PPME1: variants seen among roughly 807,000 people sequenced by gnomAD.
The protein encoded by PPME1 is testicular secretory protein Li 39.
PPME1 carries 17 observed loss-of-function variants against 56.9 expected under a neutral mutation model. That is an observed-to-expected ratio of 0.30 (90% CI 0.20 to 0.45). The LOEUF (loss-of-function observed/expected upper bound fraction) is 0.45, where lower values mean the gene tolerates loss of function less well. PPME1 is among the 20% of genes least tolerant of loss of function. The pLI, the probability that PPME1 is intolerant of heterozygous loss-of-function variation, is 1.00. For synonymous variants in PPME1, 122 were observed against 156.2 expected (o/e 0.78, Z 1.63); for missense variants, 357 against 483.2 (o/e 0.74, Z 2.45).
At chr11:74,234,423 C>G (rs1466333382) in intron 7 of PPME1, among the ~76,000 whole-genome samples, 1 of 151,982 alleles carries the variant, frequency 6.6e-6, no homozygotes, top group Admixed American at 6.5e-5. Context: ...TGGGATATTC[C>G]ACAATATTTA....
chr11:74,221,151 TGG>T (rs755462144), intron 3 of PPME1, among the ~76,000 whole-genome samples: 3 of 152,194 alleles, frequency 2.0e-5, no homozygotes, highest in Non-Finnish European at 2.9e-5. Context: ...AGTTAAAGGT[TGG>T]AATTTCAAAT....
rs1289830460 is a variant in PPME1 at position 74,187,810 on chromosome 11, T to G, written c.102-15918T>G. 2.6e-5 allele frequency among the ~76,000 whole-genome samples: 4 copies of G among 152,232 alleles called. No homozygotes were observed. In the East Asian group the frequency reaches 7.7e-4, roughly 29 times the overall value. On this transcript the variant is annotated intron_variant, in intron 1 of 13. Transcript: ENST00000328257. ...TGAATCCCTGGAACCTGTGAATATG[T>G]TATTTTACATGGCAGAGAGGAATTA...
At chr11:74,246,487 C>G (rs1435266616) in intron 10 of PPME1, among the ~76,000 whole-genome samples, 1 of 152,128 alleles carries the variant, frequency 6.6e-6, no homozygotes, top group African/African-American at 2.4e-5. Context: ...AGAGCTCTGC[C>G]CTCATGACCT....
chr11:74,214,837 A>G (rs1019438304), intron 3 of PPME1, among the ~76,000 whole-genome samples: 4 of 152,242 alleles, frequency 2.6e-5, no homozygotes, highest in African/African-American at 9.6e-5. Flanking sequence ...TAGTTCTTGC[A>G]TCTGAAAGAA....
intron 9 of PPME1, 137 bp downstream of exon 9, chr11:74,239,393 T>C (rs949583106): frequency 1.5e-6 from 2 of 1,355,842 alleles, no homozygotes; most frequent in Non-Finnish European, 2.0e-6. Flanking sequence ...TCATAAGAGA[T>C]ACTTAGCTTA....
At chr11:74,200,386 T>C (rs1442386987) in intron 1 of PPME1, among the ~76,000 whole-genome samples, 1 of 151,810 alleles carries the variant, frequency 6.6e-6, no homozygotes, top group Non-Finnish European at 1.5e-5. Flanking sequence ...TGTGTGTGTG[T>C]GTGTGTGTGT....
intron 4 of PPME1, among the ~76,000 whole-genome samples, chr11:74,223,506 A>G (rs1336216293): frequency 1.1e-4 from 15 of 135,338 alleles, no homozygotes; most frequent in Non-Finnish European, 2.3e-4. Context: ...TAGATCCCTG[A>G]GGAATCGCCA....
chr11:74,232,796 C>T (rs1007597367), intron 7 of PPME1, among the ~76,000 whole-genome samples: 1 of 151,256 alleles, frequency 6.6e-6, no homozygotes, highest in Non-Finnish European at 1.5e-5. Flanking sequence ...CCTCCTGCCT[C>T]AGCCACCCAA....
At chr11:74,175,809 A>G (rs752516782) in intron 1 of PPME1, among the ~76,000 whole-genome samples, 16 of 152,216 alleles carry the variant, frequency 1.1e-4, no homozygotes, top group Admixed American at 1.3e-4. Context: ...TTTTCTTTTA[A>G]TAAATGAGAA....
chr11:74,175,084 C>A (rs980475569), intron 1 of PPME1, among the ~76,000 whole-genome samples: 1 of 152,222 alleles, frequency 6.6e-6, no homozygotes, highest in African/African-American at 2.4e-5. Context: ...ATTTGCTTTG[C>A]ACCCCTGGTG....
intron 7 of PPME1, among the ~76,000 whole-genome samples, chr11:74,235,207 G>A (rs923668768): frequency 1.3e-5 from 2 of 152,130 alleles, no homozygotes; most frequent in African/African-American, 4.8e-5. Flanking sequence ...TTCACCCTGG[G>A]AATGCAGTCA....
At chr11:74,188,421 A>G (rs1857747558) in intron 1 of PPME1, among the ~76,000 whole-genome samples, 1 of 151,912 alleles carries the variant, frequency 6.6e-6, no homozygotes, top group Non-Finnish European at 1.5e-5. Context: ...TCCTGACCTC[A>G]TGATCTGCCT....
chr11:74,254,338 G>A lies in PPME1; in HGVS notation c.*828G>A, dbSNP rs1419782418. ...TTAACCATTTTCATAACTGGTTCCT[G>A]GAGGTGTGCAGTGCCCCCTTGCCTC... On this transcript the variant is annotated 3_prime_UTR_variant, in exon 14 of 14. Transcript: ENST00000328257. The A allele has an allele frequency of 6.5e-6, 1 of 152,842 alleles. No individual in the cohort carries two copies. The highest frequency in any genetic ancestry group is 1.5e-5 in the Non-Finnish European group (1 of 68,136). The allele number at this position is 152,842 out of a possible 1,614,324, so 9.5% of individuals were successfully genotyped here.
At chr11:74,251,163 A>C (rs1426306369) in intron 12 of PPME1, 145 bp downstream of exon 12, 1 of 1,472,868 alleles carries the variant, frequency 6.8e-7, no homozygotes, top group Admixed American at 2.3e-5. Context: ...CAGCTCTCCA[A>C]CTTCTCCCTG....
chr11:74,179,125 A>G (rs1027704253), intron 1 of PPME1, among the ~76,000 whole-genome samples: 4 of 152,108 alleles, frequency 2.6e-5, no homozygotes, highest in African/African-American at 4.8e-5. Context: ...TCCTTTTCCT[A>G]TATGCTTCTG....
chr11:74,216,966 CAAGCTGTAATAAAAGTCTCCCAGTA>C (rs1254454672), intron 3 of PPME1, among the ~76,000 whole-genome samples: 4 of 152,024 alleles, frequency 2.6e-5, no homozygotes, highest in African/African-American at 9.7e-5. Flanking sequence ...TAATGAAATC[CAAGCTGTAATAAAAGTCTCCCAGTA>C]AAGAAAAATG....
chr11:74,197,519 C>T (rs1434843933), intron 1 of PPME1, among the ~76,000 whole-genome samples: 5 of 152,122 alleles, frequency 3.3e-5, no homozygotes, highest in African/African-American at 1.2e-4. Flanking sequence ...CATCTTTGAT[C>T]CTCATAATAA....
intron 1 of PPME1, among the ~76,000 whole-genome samples, chr11:74,197,822 C>T (rs1490455513): frequency 6.6e-6 from 1 of 152,144 alleles, no homozygotes; most frequent in Non-Finnish European, 1.5e-5. Flanking sequence ...GGAATTATAG[C>T]AAAATACATG....
chr11:74,184,265 T>G (rs1378652057), intron 1 of PPME1, among the ~76,000 whole-genome samples: 2 of 152,322 alleles, frequency 1.3e-5, no homozygotes, highest in East Asian at 1.9e-4. Context: ...AAAAACCACT[T>G]TTAATTGAGT....
Sources: allele counts gnomAD v4.1 joint callset (sites outside exome capture counted in the v4.1 genomes callset), GRCh38; gene constraint gnomAD v4.1.1; transcripts MANE v1.5; gene names NCBI Gene and HGNC (gene_info 2026-07-23, HGNC 2026-07-21).